BAIAP3: variants seen among roughly 807,000 people sequenced by gnomAD.
BAIAP3 encodes the protein BAI1-associated protein 3.
A neutral mutation model predicts 149.7 loss-of-function variants in BAIAP3; 180 were observed. The observed-to-expected ratio is 1.20, with a 90% CI of 1.07 to 1.36. The LOEUF (loss-of-function observed/expected upper bound fraction) is 1.36. Ranked by LOEUF, BAIAP3 falls within the 40% of genes most tolerant of loss-of-function variation. The pLI, the probability that BAIAP3 is intolerant of heterozygous loss-of-function variation, is 0.00. For synonymous variants in BAIAP3, 845 were observed against 670.7 expected (o/e 1.26, Z -4.02); for missense variants, 1,767 against 1,563.4 (o/e 1.13, Z -2.20).
chr16:1,343,077 C>T (rs557425041), intron 14 of BAIAP3, 61 bp downstream of exon 14: 3 of 816,866 alleles, frequency 3.7e-6, no homozygotes, highest in East Asian at 6.5e-5. Context: ...AGTGGGGCAT[C>T]GGGGGCCATG....
chr16:1,336,537 G>A (rs532524838), intron 1 of BAIAP3: 3 of 302,488 alleles, frequency 9.9e-6, no homozygotes, highest in South Asian at 1.3e-4. Context: ...GAATCAAGAC[G>A]AGATATCCGG....
intron 10 of BAIAP3, 55 bp from the exon 11 acceptor site, chr16:1,342,126 G>A (rs564277263): frequency 8.2e-5 from 128 of 1,568,388 alleles, no homozygotes; most frequent in Middle Eastern, 3.4e-4. Flanking sequence ...GGGGCCCGGC[G>A]GGCAGTGGCT....
Position 1,349,167 on chromosome 16 carries a change from C to T in BAIAP3, c.*685C>T. On this transcript the variant is annotated 3_prime_UTR_variant, in exon 34 of 34. Coordinates refer to ENST00000426824, the MANE Select transcript of BAIAP3 (RefSeq NM_001199097.2). ...GGCCACCTGAGACCTGCTCCACGAC[C>T]CTTCCAGGCAGAGCCGAGAGTTCGC... 1 of 512,450 alleles carries T rather than the reference C, an allele frequency of 2.0e-6. No homozygotes were observed. The highest frequency in any genetic ancestry group is 2.0e-5 in the South Asian group (1 of 48,868). 31.7% of individuals were successfully genotyped at this position (512,450 alleles called of 1,614,324 possible). A position where few individuals can be genotyped will look rare whatever the true frequency, so the allele number is the denominator to read the frequency against.
chr16:1,347,438 G>A (rs556603478), intron 29 of BAIAP3, 69 bp downstream of exon 29: 225 of 1,594,374 alleles, frequency 1.4e-4, no homozygotes, highest in South Asian at 4.8e-4. Flanking sequence ...AGCCCCACAC[G>A]GGCTGTGTCC....
chr16:1,344,908 T>G, intron 20 of BAIAP3, 59 bp downstream of exon 20: 1 of 1,613,674 alleles, frequency 6.2e-7, no homozygotes, highest in Non-Finnish European at 8.5e-7. Flanking sequence ...GCAGATGCCC[T>G]TGGCTAGGAC....
chr16:1,349,371 T>G lies in BAIAP3; in HGVS notation c.*889T>G. On this transcript the variant is annotated 3_prime_UTR_variant, in exon 34 of 34. Coordinates refer to ENST00000426824, the MANE Select transcript of BAIAP3 (RefSeq NM_001199097.2). The stretch of plus-strand genomic sequence containing the variant: ...CAAAGAGCCGAGGCTGCCAGGCCCA[T>G]TTATGTCCCTCATGTCTCTAGATTT... 41 of 1,563,750 alleles carry G rather than the reference T, an allele frequency of 2.6e-5. No individual in the cohort carries two copies. The highest frequency in any genetic ancestry group is 3.2e-5 in the Non-Finnish European group (36 of 1,135,940).
chr16:1,343,167 G>A lies in BAIAP3; in HGVS notation c.1265+151G>A, dbSNP rs1056909237. On this transcript the variant is annotated intron_variant, in intron 14 of 33. Coordinates refer to ENST00000426824, the MANE Select transcript of BAIAP3 (RefSeq NM_001199097.2). ...GTAGGTGGGGCTGCGCTGATTGGGC[G>A]GGAAGGGAAGGGGGCGGTGCTACGG... The A allele has an allele frequency of 4.6e-6, 5 of 1,088,872 alleles. No individual in the cohort carries two copies. The East Asian group carries it at 7.8e-5, about 17-fold the overall frequency. 67.5% of individuals were successfully genotyped at this position (1,088,872 alleles called of 1,614,324 possible).
chr16:1,348,301 GGTGA>G lies in BAIAP3; in HGVS notation c.3355+6_3355+9del. 1 of 1,601,896 alleles carries G rather than the reference GGTGA, an allele frequency of 6.2e-7. No individual in the cohort carries two copies. On this transcript the variant is annotated splice_donor_variant and splice_donor_region_variant and intron_variant, in intron 33 of 33. Transcript: ENST00000426824. LOFTEE classifies it high-confidence loss of function. Reference sequence around the variant, plus strand: ...GCACCTGTGCCGGCCCAGAGCCCAGGGTGAGTGAGCATCTGGGTGGAGGCAGGGG... The same window carrying G: ...GCACCTGTGCCGGCCCAGAGCCCAGGGTGAGCATCTGGGTGGAGGCAGGGG...
chr16:1,341,756 TC>T, intron 8 of BAIAP3, 65 bp from the exon 9 acceptor site: 1 of 1,536,950 alleles, frequency 6.5e-7, no homozygotes, highest in Non-Finnish European at 8.8e-7. Flanking sequence ...GCTTCTGGAC[TC>T]CCTGACCCCG....
At position 1,342,542 on chromosome 16, in the gene BAIAP3, GGCGTCGACCGCTGGTTCAAGCTGGA is replaced by G; in HGVS notation, c.976_1000del (p.Val326HisfsTer18). On this transcript the variant is annotated frameshift_variant, in exon 12 of 34. Coordinates refer to ENST00000426824, the MANE Select transcript of BAIAP3 (RefSeq NM_001199097.2). LOFTEE classifies it high-confidence loss of function. ...CTACCCCCAGGAGGTGCCTGTGGCT[GGCGTCGACCGCTGGTTCAAGCTGGA>G]GCCACGCTCCAGTGCCTCGCGTGTG... 2 of 1,552,646 alleles carry G rather than the reference GGCGTCGACCGCTGGTTCAAGCTGGA, an allele frequency of 1.3e-6. No individual in the cohort carries two copies. Among genetic ancestry groups the G allele is most frequent in the Non-Finnish European group, 1.7e-6 (2 of 1,148,470 alleles).
chr16:1,338,114 G>A (rs2033592936), intron 1 of BAIAP3, among the ~76,000 whole-genome samples: 1 of 152,130 alleles, frequency 6.6e-6, no homozygotes, highest in East Asian at 1.9e-4. Flanking sequence ...TGGGGGAGCT[G>A]AGTGCTGTGG....
chr16:1,346,538 G>A (rs751126722), intron 26 of BAIAP3, 28 bp downstream of exon 26: 5 of 1,595,740 alleles, frequency 3.1e-6, no homozygotes, highest in Admixed American at 3.5e-5. Flanking sequence ...GGGCCGTGGA[G>A]GACTGTGTGT....
chr16:1,342,127 G>T, intron 10 of BAIAP3, 54 bp from the exon 11 acceptor site: 1 of 1,569,436 alleles, frequency 6.4e-7, no homozygotes, highest in Non-Finnish European at 8.7e-7. Flanking sequence ...GGGCCCGGCG[G>T]GCAGTGGCTC....
In BAIAP3 at chr16:1,347,376, T is replaced by TG; in HGVS notation, c.2823+10dup. The TG allele has an allele frequency of 6.2e-7, 1 of 1,613,102 alleles. No individual in the cohort carries two copies. Among genetic ancestry groups the TG allele is most frequent in the Non-Finnish European group, 8.5e-7 (1 of 1,179,806 alleles). On this transcript the variant is annotated splice_region_variant and intron_variant, in intron 29 of 33. Coordinates refer to ENST00000426824, the MANE Select transcript of BAIAP3 (RefSeq NM_001199097.2). ...GAGGGATGGAAGCTACAAGGTGAGG[T>TG]GGGACCCTCTGTGGGGCGGGGGTGT...
chr16:1,348,637 C>G lies in BAIAP3; in HGVS notation c.*155C>G. On this transcript the variant is annotated 3_prime_UTR_variant, in exon 34 of 34. Coordinates refer to ENST00000426824, the MANE Select transcript of BAIAP3 (RefSeq NM_001199097.2). ...GGCTGGCCCCGCGGCGCCTACCGCCCTGGCCGTGTCTGTCTGGTGTGTGCT... is the reference window on the plus strand; with the variant it reads ...GGCTGGCCCCGCGGCGCCTACCGCCGTGGCCGTGTCTGTCTGGTGTGTGCT... The G allele has an allele frequency of 1.4e-6, 1 of 717,440 alleles. No individual in the cohort carries two copies. The highest frequency in any genetic ancestry group is 1.8e-5 in the South Asian group (1 of 56,698). The allele number at this position is 717,440 out of a possible 1,614,324, so 44.4% of individuals were successfully genotyped here.
intron 1 of BAIAP3, among the ~76,000 whole-genome samples, chr16:1,335,031 C>G (rs556767394): frequency 6.6e-6 from 1 of 152,282 alleles, no homozygotes; most frequent in Non-Finnish European, 1.5e-5. Flanking sequence ...GAAGGCTGAC[C>G]CAGCCTCTGC....
intron 5 of BAIAP3, 105 bp downstream of exon 5, chr16:1,339,708 C>T (rs1596565015): frequency 8.7e-6 from 8 of 914,322 alleles, no homozygotes; most frequent in Non-Finnish European, 1.4e-5. Context: ...AGAATCTCCC[C>T]GATCCGTGCA....
At chr16:1,342,675 G>C in intron 12 of BAIAP3, 41 bp downstream of exon 12, 1 of 1,609,512 alleles carries the variant, frequency 6.2e-7, no homozygotes, top group Non-Finnish European at 8.5e-7. Context: ...CCCCGTCCTT[G>C]GGGCGGGGGC....
At chr16:1,340,272 G>T (rs543861082) in intron 5 of BAIAP3, among the ~76,000 whole-genome samples, 3 of 140,410 alleles carry the variant, frequency 2.1e-5, no homozygotes, top group Non-Finnish European at 3.0e-5. Flanking sequence ...CAGGCTGCAG[G>T]TGCACACAGA....
Sources: gnomAD v4.1 joint callset for allele counts (sites outside exome capture counted in the v4.1 genomes callset) on GRCh38, gnomAD v4.1.1 for gene constraint, MANE v1.5 for transcripts, NCBI Gene and HGNC (gene_info 2026-07-23, HGNC 2026-07-21) for gene names.